Variants in INF2 observed in about 807,000 individuals in gnomAD.
The protein encoded by INF2 is inverted formin-2.
A neutral mutation model predicts 123.5 loss-of-function variants in INF2; 43 were observed. The observed-to-expected ratio is 0.35, with a 90% CI of 0.27 to 0.45. The LOEUF (loss-of-function observed/expected upper bound fraction) is 0.45. Among genes scored for constraint, INF2 ranks in the 20% least tolerant of loss-of-function variants. INF2 has a pLI of 1.00. For missense variants in INF2, 1,453 were observed against 1,682.7 expected, an observed-to-expected ratio of 0.86 and a Z score of 2.39; for synonymous variants, 851 against 745.0, an observed-to-expected ratio of 1.14 and a Z score of -2.32.
intron 11 of INF2, 102 bp from the exon 12 acceptor site, chr14:104,709,518 A>G: frequency 7.6e-7 from 1 of 1,311,488 alleles, no homozygotes. Flanking sequence ...CGTGAGCCAC[A>G]GGGAGCCATG....
intron 1 of INF2, among the ~76,000 whole-genome samples, chr14:104,695,291 A>G (rs1381944850): frequency 1.3e-5 from 2 of 152,094 alleles, no homozygotes; most frequent in East Asian, 3.9e-4. Flanking sequence ...AGGCCCAGGA[A>G]GTACTTCCAT....
intron 5 of INF2, among the ~76,000 whole-genome samples, chr14:104,705,291 C>T (rs950566312): frequency 2.0e-5 from 3 of 152,158 alleles, no homozygotes; most frequent in African/African-American, 4.8e-5. Context: ...GTGGCATGTG[C>T]CTGCAATCCC....
At chr14:104,693,490 T>C (rs1226828315) in intron 1 of INF2, among the ~76,000 whole-genome samples, 3 of 151,976 alleles carry the variant, frequency 2.0e-5, no homozygotes, top group Non-Finnish European at 4.4e-5. Context: ...CAGGGCACAG[T>C]TGAGGAGGGA....
chr14:104,694,103 G>A (rs1401613006), intron 1 of INF2, among the ~76,000 whole-genome samples: 1 of 152,232 alleles, frequency 6.6e-6, no homozygotes, highest in Non-Finnish European at 1.5e-5. Flanking sequence ...CCAGGCTGTG[G>A]AGGTGCAGGC....
intron 1 of INF2, among the ~76,000 whole-genome samples, chr14:104,694,753 T>C (rs1461473457): frequency 6.6e-6 from 1 of 152,080 alleles, no homozygotes; most frequent in East Asian, 1.9e-4. Context: ...TCTCAATCTG[T>C]CTTTGTTCTC....
At chr14:104,704,071 C>T in intron 5 of INF2, 122 bp downstream of exon 5, 1 of 1,548,048 alleles carries the variant, frequency 6.5e-7, no homozygotes. Context: ...GGAGGTGGCT[C>T]CCTCGGAGTA....
rs901195304 is a variant in INF2, at chr14:104,722,020, C to T, written c.*3227C>T. Reference sequence around the variant, plus strand: ...CCACAGGTGGACACACCCATGCACCCTCGTTCTTGCCCAAGGTCACACATC... The same window carrying T: ...CCACAGGTGGACACACCCATGCACCTTCGTTCTTGCCCAAGGTCACACATC... On this transcript the variant is annotated 3_prime_UTR_variant, in exon 23 of 23. Coordinates refer to ENST00000392634, the MANE Select transcript of INF2 (RefSeq NM_022489.4). The T allele has an allele frequency of 6.6e-6, 1 of 152,310 alleles. No homozygotes were observed. Among genetic ancestry groups the T allele is most frequent in the African/African-American group, 2.4e-5 (1 of 41,448 alleles). The allele number at this position is 152,310 out of a possible 1,614,324, so 9.4% of individuals were successfully genotyped here. A position where few individuals can be genotyped will look rare whatever the true frequency, so the allele number is the denominator to read the frequency against.
At chr14:104,703,475 G>A (rs760760740) in intron 4 of INF2, 21 bp downstream of exon 4, 31 of 1,608,878 alleles carry the variant, frequency 1.9e-5, no homozygotes, top group East Asian at 4.5e-5. Context: ...GCCCTGGGCC[G>A]CATGCCCGCT....
At chr14:104,683,915 G>A (rs1403693435) in intron 1 of INF2, 1 of 393,674 alleles carries the variant, frequency 2.5e-6, no homozygotes, top group Non-Finnish European at 5.1e-6. Flanking sequence ...GCTACACGCA[G>A]GCAGACTATG....
Position 104,713,543 on chromosome 14 carries a change from C to T in INF2, c.2977C>T (p.Arg993Cys), listed in dbSNP as rs935688609. ...CCAGCTGCGGAAGACAGCCCGGGGC[C>T]GCGGGGACACCGACGGGGGCAGCAA... ...GFQLRKTARG[R>C]GDTDGGSKAA... The change falls in exon 20 of 23, where the codon CGC becomes TGC. Residue 993 changes from arginine (R) to cysteine (C), a missense_variant. Physicochemically the swap from Arg to Cys is radical, Grantham distance 180 (BLOSUM62 -3). Coordinates refer to ENST00000392634, the MANE Select transcript of INF2 (RefSeq NM_022489.4). 4.3e-6 allele frequency: 7 copies of T among 1,611,612 alleles called. No individual in the cohort carries two copies. The highest frequency in any genetic ancestry group is 4.0e-5 in the African/African-American group (3 of 74,892).
rs1595166085 is a variant in INF2, at chr14:104,703,316, C to T, written c.529C>T (p.Arg177Cys). The T allele has an allele frequency of 6.2e-7, 1 of 1,613,174 alleles. No homozygotes were observed. The highest frequency in any genetic ancestry group is 8.5e-7 in the Non-Finnish European group (1 of 1,179,958). ...HYKTVCSQQY[R>C]FSIVMNELSG... ...ACAGACGGTGTGCAGCCAGCAGTAC[C>T]GCTTCAGCATTGTCATGAACGAGCT... is the stretch of plus-strand genomic sequence containing the variant. The change falls in exon 4 of 23, where the codon CGC (arginine) becomes TGC (cysteine). Residue 177 changes from arginine to cysteine, a missense_variant. By Grantham distance (180) the Arg-to-Cys change is radical. Around this residue, in one of 8 missense-constraint regions of INF2, gnomAD observed 251 missense variants for 349.4 expected, o/e 0.72. Coordinates refer to ENST00000392634, the MANE Select transcript of INF2 (RefSeq NM_022489.4).
intron 1 of INF2, among the ~76,000 whole-genome samples, chr14:104,695,619 C>T (rs1889156611): frequency 1.8e-5 from 2 of 111,154 alleles, no homozygotes; most frequent in Admixed American, 1.9e-4. Context: ...TGAGCCGGGG[C>T]ATTTCCTGTT....
intron 2 of INF2, among the ~76,000 whole-genome samples, chr14:104,702,799 G>A (rs1889592126): frequency 6.6e-6 from 1 of 152,218 alleles, no homozygotes; most frequent in South Asian, 2.1e-4. Context: ...ATGAGGTTGT[G>A]TCTGCCATAA....
chr14:104,718,660 G>T, intron 22 of INF2, 135 bp from the exon 23 acceptor site: 1 of 1,476,980 alleles, frequency 6.8e-7, no homozygotes, highest in Non-Finnish European at 9.2e-7. Flanking sequence ...GGTCAGAGTG[G>T]ACCTGCGATG....
intron 1 of INF2, among the ~76,000 whole-genome samples, chr14:104,694,660 C>CG (rs1411442314): frequency 6.6e-6 from 1 of 152,182 alleles, no homozygotes; most frequent in Non-Finnish European, 1.5e-5. Context: ...CCAGTCTCAC[C>CG]CTGAATCAGA....
chr14:104,712,780 G>A (rs766401628), intron 17 of INF2, 48 bp from the exon 18 acceptor site: 1 of 1,551,538 alleles, frequency 6.4e-7, no homozygotes, highest in Non-Finnish European at 8.7e-7. Flanking sequence ...ACCCCGGGTG[G>A]TGCCCGCGCG....
Position 104,699,419 on chromosome 14 carries a change from G to C in INF2, c.-9-1938G>C. 1.0e-6 allele frequency: 1 copy of C among 985,352 alleles called. No homozygotes were observed. Among genetic ancestry groups the C allele is most frequent in the Non-Finnish European group, 1.2e-6 (1 of 829,916 alleles). The allele number at this position is 985,352 out of a possible 1,614,324, so 61.0% of individuals were successfully genotyped here. ...GGCTGCCTGGCTCTTCATGGTGGTGGGAGCAACCCTACTGCCACCAGGAGG... is the reference window on the plus strand; with the variant it reads ...GGCTGCCTGGCTCTTCATGGTGGTGCGAGCAACCCTACTGCCACCAGGAGG... On this transcript the variant is annotated intron_variant, in intron 1 of 22. Coordinates refer to ENST00000392634, the MANE Select transcript of INF2 (RefSeq NM_022489.4). The surrounding 1 kb of genome is among the most constrained non-coding windows in gnomAD (Gnocchi z 4.7).
Position 104,711,609 on chromosome 14 carries a change from C to T in INF2, c.2419-20C>T. ...GAGAGTATGACCACAGTGGATCTCACTGGACGTGTCCCATTGCAGGAAGCG... is the reference window on the plus strand; with the variant it reads ...GAGAGTATGACCACAGTGGATCTCATTGGACGTGTCCCATTGCAGGAAGCG... On this transcript the variant is annotated intron_variant, in intron 15 of 22. Coordinates refer to ENST00000392634, the MANE Select transcript of INF2 (RefSeq NM_022489.4). 6.2e-7 allele frequency: 1 copy of T among 1,611,032 alleles called. No homozygotes were observed. Among genetic ancestry groups the T allele is most frequent in the East Asian group, 2.2e-5 (1 of 44,862 alleles).
chr14:104,714,670 G>A lies in INF2; in HGVS notation c.3508G>A (p.Gly1170Arg). ...GARPPAAGPG[G>R]DEDEDEEDTA... ...CAGACCCCCTGCAGCAGGCCCAGGT[G>A]GGGATGAGGACGAGGACGAGGAGGA... The change falls in exon 21 of 23, where the codon GGG (glycine) becomes AGG (arginine). Residue 1170 changes from glycine (G) to arginine (R), a missense_variant. Physicochemically the swap from Gly to Arg is moderately radical, Grantham distance 125. This residue lies in a region of INF2 where 344 missense variants were observed against 333.1 expected (regional missense o/e 1.03). Transcript: ENST00000392634. The A allele has an allele frequency of 6.2e-7, 1 of 1,612,300 alleles. No individual in the cohort carries two copies. Among genetic ancestry groups the A allele is most frequent in the Non-Finnish European group, 8.5e-7 (1 of 1,179,606 alleles).
Sources: allele counts gnomAD v4.1 joint callset (sites outside exome capture counted in the v4.1 genomes callset), GRCh38; gene constraint gnomAD v4.1.1; regional missense constraint gnomAD v4.1.1; non-coding constraint Gnocchi (gnomAD v3.1); transcripts MANE v1.5; gene names NCBI Gene and HGNC (gene_info 2026-07-23, HGNC 2026-07-21).